Variants in CNTN1 observed in about 807,000 individuals in gnomAD.
The protein encoded by CNTN1 is contactin-1.
CNTN1 carries 38 observed loss-of-function variants against 126.4 expected under a neutral mutation model. The ratio of observed to expected loss-of-function variants is 0.30; its 90% CI spans 0.23 to 0.39. The LOEUF (loss-of-function observed/expected upper bound fraction) is 0.39. Among genes scored for constraint, CNTN1 ranks in the 10% least tolerant of loss-of-function variants. The probability of loss-of-function intolerance (pLI) is 1.00; values close to 1 mark genes in which losing one functional copy is unlikely to be tolerated. For missense variants in CNTN1, 1,009 were observed against 1,248.4 expected, an observed-to-expected ratio of 0.81 and a Z score of 2.89; for synonymous variants, 413 against 422.6, an observed-to-expected ratio of 0.98 and a Z score of 0.28.
chr12:40,905,646 A>G (rs1944781578), intron 1 of CNTN1, among the ~76,000 whole-genome samples: 1 of 152,170 alleles, frequency 6.6e-6, no homozygotes, highest in Admixed American at 6.5e-5. Flanking sequence ...TAAAAATAAT[A>G]ATATGTCATC....
chr12:40,821,090 C>A (rs1305013000), intron 1 of CNTN1, among the ~76,000 whole-genome samples: 2 of 152,166 alleles, frequency 1.3e-5, no homozygotes, highest in Non-Finnish European at 2.9e-5. Context: ...CAAGAGTGTA[C>A]ACATATTTCT....
intron 23 of CNTN1, among the ~76,000 whole-genome samples, chr12:41,053,093 A>G (rs1402131768): frequency 6.6e-6 from 1 of 151,678 alleles, no homozygotes; most frequent in African/African-American, 2.4e-5. Flanking sequence ...TAAAATATAA[A>G]GCAAACCAAT....
chr12:40,993,561 A>G (rs112781071), intron 17 of CNTN1, among the ~76,000 whole-genome samples: 305 of 152,222 alleles, frequency 2.0e-3, no homozygotes, highest in African/African-American at 7.0e-3. Context: ...GCCACTGGAG[A>G]CCATTGGAAT....
chr12:40,792,624 A>T (rs1940262003), intron 1 of CNTN1, among the ~76,000 whole-genome samples: 1 of 152,042 alleles, frequency 6.6e-6, no homozygotes, highest in Non-Finnish European at 1.5e-5. Context: ...TAAATTCTTG[A>T]TTTTCAAAGA....
At chr12:41,055,120 T>C (rs553400514) in intron 23 of CNTN1, among the ~76,000 whole-genome samples, 49 of 152,126 alleles carry the variant, frequency 3.2e-4, no homozygotes, top group Non-Finnish European at 6.6e-4. Context: ...GATGATAAAA[T>C]ATGTTGAAGT....
At chr12:40,846,876 A>AT (rs1238610926) in intron 1 of CNTN1, among the ~76,000 whole-genome samples, 1 of 147,466 alleles carries the variant, frequency 6.8e-6, no homozygotes, top group Non-Finnish European at 1.5e-5. Flanking sequence ...TATTATTTTT[A>AT]TTTTTTTCTG....
intron 1 of CNTN1, among the ~76,000 whole-genome samples, chr12:40,776,247 T>G (rs1490760672): frequency 6.6e-6 from 1 of 151,692 alleles, no homozygotes. Flanking sequence ...GTAAGACAGA[T>G]AAGATCAAGA....
At chr12:40,882,511 G>A (rs191217034) in intron 1 of CNTN1, among the ~76,000 whole-genome samples, 216 of 151,796 alleles carry the variant, frequency 1.4e-3, no homozygotes, top group African/African-American at 5.0e-3. Context: ...TAAACTTTCT[G>A]TAACATGAAA....
In CNTN1 at chr12:40,867,277, A is replaced by T. The variant is rs529817658; in HGVS notation, c.-76-41080A>T. 1.7e-4 allele frequency among the ~76,000 whole-genome samples: 26 copies of T among 152,264 alleles called. No individual in the cohort carries two copies. The South Asian group carries it at 5.0e-3, about 29-fold the overall frequency. On this transcript the variant is annotated intron_variant, in intron 1 of 23. Coordinates refer to ENST00000551295, the MANE Select transcript of CNTN1 (RefSeq NM_001843.4). ...CCCCACACCCCATCTGCATCCATACATGCCCCTAACCTAAATGGTGGGGCA... is the reference window on the plus strand; with the variant it reads ...CCCCACACCCCATCTGCATCCATACTTGCCCCTAACCTAAATGGTGGGGCA...
intron 1 of CNTN1, among the ~76,000 whole-genome samples, chr12:40,696,925 G>A (rs1941465538): frequency 6.6e-6 from 1 of 152,114 alleles, no homozygotes; most frequent in Non-Finnish European, 1.5e-5. Context: ...TGAGTTTACA[G>A]TGAACATTCA....
At chr12:40,954,902 C>T (rs986828748) in intron 14 of CNTN1, among the ~76,000 whole-genome samples, 2 of 152,182 alleles carry the variant, frequency 1.3e-5, no homozygotes, top group Middle Eastern at 3.4e-3. Flanking sequence ...GCTTACCAAG[C>T]CTTTCTGTCC....
At chr12:40,844,069 A>ATTTTTTTTTTTTTGTTTTTTTTTTTT (rs1942399171) in intron 1 of CNTN1, among the ~76,000 whole-genome samples, 1 of 84,684 alleles carries the variant, frequency 1.2e-5, no homozygotes, top group Non-Finnish European at 2.3e-5. Context: ...TGGCACAATG[A>ATTTTTTTTTTTTTGTTTTTTTTTTTT]TTTTTTTTTT....
At chr12:40,750,735 ACAACT>A (rs1592046549) in intron 1 of CNTN1, among the ~76,000 whole-genome samples, 1 of 152,084 alleles carries the variant, frequency 6.6e-6, no homozygotes, top group Admixed American at 6.6e-5. Flanking sequence ...GAGAAATGAG[ACAACT>A]CAAGAAAAGG....
chr12:40,943,392 A>G (rs1224562384), intron 12 of CNTN1, among the ~76,000 whole-genome samples: 2 of 152,052 alleles, frequency 1.3e-5, no homozygotes, highest in Non-Finnish European at 2.9e-5. Flanking sequence ...GAAAAAGATG[A>G]AAGTGGATTT....
intron 1 of CNTN1, among the ~76,000 whole-genome samples, chr12:40,783,322 G>C (rs1939878867): frequency 6.6e-6 from 1 of 151,996 alleles, no homozygotes; most frequent in South Asian, 2.1e-4. Context: ...ATAAAATATA[G>C]CTGTGTGAGA....
intron 1 of CNTN1, among the ~76,000 whole-genome samples, chr12:40,731,604 T>C (rs1942502605): frequency 2.0e-5 from 3 of 151,930 alleles, no homozygotes; most frequent in African/African-American, 7.2e-5. Flanking sequence ...TACATAAAGA[T>C]TGATGTGACC....
At chr12:41,007,621 T>G (rs541100406) in intron 17 of CNTN1, among the ~76,000 whole-genome samples, 51 of 152,034 alleles carry the variant, frequency 3.4e-4, no homozygotes, top group Admixed American at 2.8e-3. Context: ...TATAGTCAGG[T>G]TTGAGGAGGC....
At chr12:40,912,961 T>A (rs1945097176) in intron 3 of CNTN1, among the ~76,000 whole-genome samples, 1 of 152,014 alleles carries the variant, frequency 6.6e-6, no homozygotes, top group Non-Finnish European at 1.5e-5. Context: ...AGACGTGAGG[T>A]AGGTGTCAGA....
chr12:40,797,913 A>AT (rs1940503085), intron 1 of CNTN1, among the ~76,000 whole-genome samples: 1 of 152,030 alleles, frequency 6.6e-6, no homozygotes, highest in Non-Finnish European at 1.5e-5. Context: ...AGATGATCCC[A>AT]TTTTATGGGA....
Sources: allele counts gnomAD v4.1 joint callset (sites outside exome capture counted in the v4.1 genomes callset), GRCh38; gene constraint gnomAD v4.1.1; transcripts MANE v1.5; gene names NCBI Gene and HGNC (gene_info 2026-07-23, HGNC 2026-07-21).